GNAL: variants seen among roughly 807,000 people sequenced by gnomAD.
GNAL encodes G protein subunit alpha L.
GNAL carries 18 observed loss-of-function variants against 55.1 expected under a neutral mutation model. That is an observed-to-expected ratio of 0.33 (90% CI 0.23 to 0.48). The LOEUF is 0.48. GNAL is among the 20% of genes least tolerant of loss of function. The pLI is 0.99. For synonymous variants in GNAL, 253 were observed against 237.0 expected, an observed-to-expected ratio of 1.07 and a Z score of -0.62; for missense variants, 412 against 614.1, an observed-to-expected ratio of 0.67 and a Z score of 3.48.
chr18:11,772,320 A>G (rs2033659874), intron 4 of GNAL, among the ~76,000 whole-genome samples: 2 of 152,372 alleles, frequency 1.3e-5, no homozygotes, highest in South Asian at 2.1e-4. Flanking sequence ...TTGAAATTCC[A>G]TACTTAGTAT....
chr18:11,874,133 G>T (rs980692802), intron 10 of GNAL: 3 of 152,412 alleles, frequency 2.0e-5, no homozygotes, highest in African/African-American at 7.2e-5. Context: ...TCCGTCCAGG[G>T]GCTGAGGGGA....
At chr18:11,846,459 A>AC (rs2035739863) in intron 5 of GNAL, among the ~76,000 whole-genome samples, 1 of 51,974 alleles carries the variant, frequency 1.9e-5, no homozygotes, top group Non-Finnish European at 4.1e-5. Context: ...ATATATATAT[A>AC]AATATACACA....
chr18:11,740,067 CTATTTATG>C (rs901446584), intron 1 of GNAL, among the ~76,000 whole-genome samples: 1 of 151,846 alleles, frequency 6.6e-6, no homozygotes, highest in African/African-American at 2.4e-5. Flanking sequence ...CCTCCCTTTT[CTATTTATG>C]TATTTATTTA....
chr18:11,825,729 C>CAAAAAAAAA lies in GNAL; in HGVS notation c.722+726_722+734dup, dbSNP rs60460793. Among the ~76,000 whole-genome samples the CAAAAAAAAA allele has an allele frequency of 5.2e-5, 4 of 76,912 alleles. 1 individual carries two copies. Among genetic ancestry groups the CAAAAAAAAA allele is most frequent in the Non-Finnish European group, 9.5e-5 (4 of 42,136 alleles). 50.5% of individuals were successfully genotyped at this position (76,912 alleles called of 152,430 possible). A position where few individuals can be genotyped will look rare whatever the true frequency, so the allele number is the denominator to read the frequency against. On this transcript the variant is annotated intron_variant, in intron 5 of 11. Transcript: ENST00000334049. ...CTGGGCGACAGATGAGACTCTGTCT[C>CAAAAAAAAA]AAAAAAAAAAAAAAAAAAAAGGAAA...
intron 4 of GNAL, among the ~76,000 whole-genome samples, chr18:11,762,311 A>G (rs567712752): frequency 6.6e-6 from 1 of 152,284 alleles, no homozygotes; most frequent in Non-Finnish European, 1.5e-5. Context: ...TTCTGCCAGC[A>G]CTGTGGAGGG....
chr18:11,877,482 G>T (rs1307421782), intron 11 of GNAL, among the ~76,000 whole-genome samples: 1 of 151,986 alleles, frequency 6.6e-6, no homozygotes, highest in Non-Finnish European at 1.5e-5. Context: ...CTCCCATATA[G>T]TCTTTACCCA....
At chr18:11,869,433 G>A (rs1242506675) in intron 9 of GNAL, among the ~76,000 whole-genome samples, 4 of 151,464 alleles carry the variant, frequency 2.6e-5, no homozygotes, top group East Asian at 3.9e-4. Context: ...GTGAGCCACC[G>A]CACCCGGCCA....
intron 10 of GNAL, among the ~76,000 whole-genome samples, chr18:11,876,126 G>A (rs1378078058): frequency 6.6e-6 from 1 of 152,184 alleles, no homozygotes; most frequent in Admixed American, 6.5e-5. Flanking sequence ...AGCACCCCCA[G>A]AGAAAAGTTT....
intron 1 of GNAL, among the ~76,000 whole-genome samples, chr18:11,750,189 A>G (rs1284042231): frequency 6.6e-6 from 1 of 152,138 alleles, no homozygotes; most frequent in Non-Finnish European, 1.5e-5. Flanking sequence ...AATCTGGCAT[A>G]ACTCCCACCG....
In GNAL at chr18:11,710,868, C is replaced by CTGTTTTGTTT. The variant is rs542715685; in HGVS notation, c.376+20945_376+20954dup. ...TTTGATTACAATGTCTCAGTATGAA[C>CTGTTTTGTTT]TGTTTTGTTTTGTTTTGTTTTGTTT... On this transcript the variant is annotated intron_variant, in intron 1 of 11. Coordinates refer to ENST00000334049, the MANE Select transcript of GNAL (RefSeq NM_182978.4). Among the ~76,000 whole-genome samples, 718 of 151,990 alleles carry CTGTTTTGTTT rather than the reference C, an allele frequency of 4.7e-3. 2 individuals carry two copies. Among genetic ancestry groups the CTGTTTTGTTT allele is most frequent in the African/African-American group, 0.016 (672 of 41,436 alleles).
chr18:11,794,757 G>A (rs1266294246), intron 4 of GNAL, among the ~76,000 whole-genome samples: 1 of 121,032 alleles, frequency 8.3e-6, no homozygotes, highest in East Asian at 2.4e-4. Flanking sequence ...AAACACACAG[G>A]TTAAAAAAAA....
intron 1 of GNAL, among the ~76,000 whole-genome samples, chr18:11,701,769 G>A (rs1346389691): frequency 6.6e-6 from 1 of 152,082 alleles, no homozygotes; most frequent in Non-Finnish European, 1.5e-5. Context: ...GATGCTTCAA[G>A]AAGATGAAGA....
intron 5 of GNAL, among the ~76,000 whole-genome samples, chr18:11,828,880 T>C (rs1294827229): frequency 6.6e-6 from 1 of 152,206 alleles, no homozygotes; most frequent in East Asian, 1.9e-4. Context: ...TATTCTCATA[T>C]GGTTGTGGGA....
intron 4 of GNAL, 52 bp from the exon 5 acceptor site, chr18:11,824,866 A>T: frequency 1.0e-6 from 1 of 952,762 alleles, no homozygotes; most frequent in Non-Finnish European, 1.6e-6. Context: ...TTAACTTTTT[A>T]AAAGGTTATT....
At chr18:11,823,923 A>C (rs1598408600) in intron 4 of GNAL, among the ~76,000 whole-genome samples, 1 of 152,162 alleles carries the variant, frequency 6.6e-6, no homozygotes, top group East Asian at 1.9e-4. Flanking sequence ...TAAGCCGTTC[A>C]TTTACTTTTG....
At chr18:11,767,679 A>G (rs568535401) in intron 4 of GNAL, among the ~76,000 whole-genome samples, 65 of 151,966 alleles carry the variant, frequency 4.3e-4, no homozygotes, top group African/African-American at 1.3e-3. Flanking sequence ...AGTTTGCACA[A>G]TTGCGCTCTG....
rs2036041860 is a variant in GNAL at position 11,857,736 on chromosome 18, G to A, written c.723-4659G>A. 3 of 985,368 alleles carry A rather than the reference G, an allele frequency of 3.0e-6. No homozygotes were observed. In the South Asian group the frequency reaches 1.4e-4, roughly 46 times the overall value. 61.0% of individuals were successfully genotyped at this position (985,368 alleles called of 1,614,324 possible). On this transcript the variant is annotated intron_variant, in intron 5 of 11. Coordinates refer to ENST00000334049, the MANE Select transcript of GNAL (RefSeq NM_182978.4). ...CTGGGAACCCCTTTTAAGGAGCAGGGAATCTTAACTCTGGCTGTGCATTAC... is the reference window on the plus strand; with the variant it reads ...CTGGGAACCCCTTTTAAGGAGCAGGAAATCTTAACTCTGGCTGTGCATTAC...
At chr18:11,867,369 A>G in intron 8 of GNAL, 143 bp downstream of exon 8, 4 of 664,858 alleles carry the variant, frequency 6.0e-6, no homozygotes, top group South Asian at 5.0e-5. Flanking sequence ...TTCCTTAGAT[A>G]CTAATCTCAT....
At chr18:11,703,150 T>C (rs185570453) in intron 1 of GNAL, among the ~76,000 whole-genome samples, 136 of 152,240 alleles carry the variant, frequency 8.9e-4, no homozygotes, top group African/African-American at 3.0e-3. Context: ...AAAACCATAT[T>C]TGTAGAGTAT....
Sources: gnomAD v4.1 joint callset for allele counts (sites outside exome capture counted in the v4.1 genomes callset) on GRCh38, gnomAD v4.1.1 for gene constraint, MANE v1.5 for transcripts, NCBI Gene and HGNC (gene_info 2026-07-23, HGNC 2026-07-21) for gene names.